Variants in CD200R1 observed in about 807,000 individuals in gnomAD.
The protein encoded by CD200R1 is CD200 receptor 1, also known as cell surface glycoprotein CD200 receptor 1.
In CD200R1, 30 loss-of-function variants were observed where a neutral mutation model predicts 38.1. The ratio of observed to expected loss-of-function variants is 0.79; its 90% CI spans 0.59 to 1.07. CD200R1 has a LOEUF of 1.07. Ranked by LOEUF, CD200R1 falls within the 50% of genes least tolerant of loss-of-function variation. The pLI, the probability that CD200R1 is intolerant of heterozygous loss-of-function variation, is 0.00. For synonymous variants in CD200R1, 128 were observed against 152.1 expected (o/e 0.84, Z 1.16); for missense variants, 372 against 415.4 (o/e 0.90, Z 0.91).
At chr3:112,954,225 G>T (rs920058812) in intron 1 of CD200R1, among the ~76,000 whole-genome samples, 3 of 152,018 alleles carry the variant, frequency 2.0e-5, no homozygotes, top group Middle Eastern at 3.4e-3. Context: ...CCATGTATTT[G>T]TGAAGTTCCT....
At chr3:112,974,471 G>C (rs944412331) in intron 1 of CD200R1, among the ~76,000 whole-genome samples, 5 of 151,952 alleles carry the variant, frequency 3.3e-5, no homozygotes, top group African/African-American at 1.2e-4. Flanking sequence ...AAGATAAAGA[G>C]AACCTAACTG....
chr3:112,962,461 G>A (rs1298246424), intron 1 of CD200R1, among the ~76,000 whole-genome samples: 3 of 152,100 alleles, frequency 2.0e-5, no homozygotes, highest in Admixed American at 6.5e-5. Flanking sequence ...CAAAAAGCTG[G>A]TCTGTAGGGG....
intron 5 of CD200R1, among the ~76,000 whole-genome samples, chr3:112,928,213 T>C (rs998572438): frequency 6.6e-6 from 1 of 152,116 alleles, no homozygotes; most frequent in African/African-American, 2.4e-5. Context: ...GAGATGGCAA[T>C]TGGGTTGGAA....
intron 3 of CD200R1, among the ~76,000 whole-genome samples, chr3:112,930,173 A>G (rs531611571): frequency 6.0e-4 from 91 of 152,122 alleles, no homozygotes; most frequent in Non-Finnish European, 1.1e-3. Flanking sequence ...ATGAAAAATG[A>G]TAATGCCCTG....
chr3:112,950,976 C>G (rs1392723652), intron 1 of CD200R1, among the ~76,000 whole-genome samples: 1 of 151,780 alleles, frequency 6.6e-6, no homozygotes. Flanking sequence ...GTAAAATTCA[C>G]CCATAGAAGC....
At chr3:112,926,455 C>A (rs766466528) in intron 5 of CD200R1, among the ~76,000 whole-genome samples, 3 of 152,156 alleles carry the variant, frequency 2.0e-5, no homozygotes, top group African/African-American at 7.2e-5. Flanking sequence ...ACTAAGCTCT[C>A]TCTCATTAAA....
rs1451894160 is a variant in CD200R1, at chr3:112,921,518, G to A, written c.*2159C>T. 1 of 151,834 alleles carries A rather than the reference G, an allele frequency of 6.6e-6. No individual in the cohort carries two copies. Among genetic ancestry groups the A allele is most frequent in the Admixed American group, 6.6e-5 (1 of 15,196 alleles). The allele number at this position is 151,834 out of a possible 1,614,324, so 9.4% of individuals were successfully genotyped here. ...AAAGGAAAAGATACAAAATGGGATGGGGAGAAAGCACAGTAAATGAGACAT... is the reference window on the plus strand; with the variant it reads ...AAAGGAAAAGATACAAAATGGGATGAGGAGAAAGCACAGTAAATGAGACAT... On this transcript the variant is annotated 3_prime_UTR_variant, in exon 8 of 8. Coordinates refer to ENST00000308611, the MANE Select transcript of CD200R1 (RefSeq NM_138806.4).
At chr3:112,924,004 T>C (rs16860239) in intron 7 of CD200R1, among the ~76,000 whole-genome samples, 4,482 of 152,002 alleles carry the variant, frequency 0.029, 203 homozygotes, top group East Asian at 0.22. Context: ...TAAGTCTCTG[T>C]GTGGAGATAA....
intron 2 of CD200R1, among the ~76,000 whole-genome samples, chr3:112,946,756 C>T (rs1175261312): frequency 2.6e-5 from 4 of 152,132 alleles, no homozygotes; most frequent in African/African-American, 9.7e-5. Context: ...CAATCTCCTA[C>T]CATGCAATCC....
intron 1 of CD200R1, among the ~76,000 whole-genome samples, chr3:112,949,817 CTA>C (rs1365272494): frequency 6.6e-6 from 1 of 152,194 alleles, no homozygotes; most frequent in African/African-American, 2.4e-5. Context: ...GACACAGACA[CTA>C]TGAATTCTAG....
Position 112,947,846 on chromosome 3 carries a change from T to C in CD200R1, c.136+10A>G, listed in dbSNP as rs1940896827. Reference sequence around the variant, plus strand: ...CCCTACTAGAATTATTGTTAAAAGATGCACATTACCTAAAGCATGATTCTC... The same window carrying C: ...CCCTACTAGAATTATTGTTAAAAGACGCACATTACCTAAAGCATGATTCTC... On this transcript the variant is annotated intron_variant, in intron 2 of 7. Coordinates refer to ENST00000308611, the MANE Select transcript of CD200R1 (RefSeq NM_138806.4). 2.5e-6 allele frequency: 4 copies of C among 1,591,648 alleles called. No homozygotes were observed. Among genetic ancestry groups the C allele is most frequent in the Non-Finnish European group, 3.4e-6 (4 of 1,159,598 alleles).
At chr3:112,974,266 T>A (rs1012637156) in intron 1 of CD200R1, among the ~76,000 whole-genome samples, 3 of 152,030 alleles carry the variant, frequency 2.0e-5, no homozygotes, top group Non-Finnish European at 4.4e-5. Flanking sequence ...CAAGACTCTA[T>A]CTCTACCAAA....
chr3:112,933,238 C>T (rs1225602026), intron 2 of CD200R1, among the ~76,000 whole-genome samples: 1 of 152,222 alleles, frequency 6.6e-6, no homozygotes, highest in Admixed American at 6.5e-5. Flanking sequence ...CCCTAGCAGA[C>T]ATGCCCTGAG....
intron 1 of CD200R1, among the ~76,000 whole-genome samples, chr3:112,959,983 C>G (rs903474295): frequency 1.3e-5 from 2 of 151,998 alleles, no homozygotes; most frequent in Non-Finnish European, 2.9e-5. Flanking sequence ...TAAGGAATTA[C>G]TCATGAAAGG....
chr3:112,951,091 A>G (rs538960015), intron 1 of CD200R1, among the ~76,000 whole-genome samples: 2 of 152,280 alleles, frequency 1.3e-5, no homozygotes, highest in East Asian at 3.9e-4. Flanking sequence ...CTAGTTCTTT[A>G]AAAAGATAAT....
At chr3:112,973,632 T>C (rs1428482388) in intron 1 of CD200R1, among the ~76,000 whole-genome samples, 1 of 152,248 alleles carries the variant, frequency 6.6e-6, no homozygotes, top group African/African-American at 2.4e-5. Context: ...AGAGTGTAGT[T>C]ATTTTGCATG....
At chr3:112,935,619 C>A (rs1207181812) in intron 2 of CD200R1, among the ~76,000 whole-genome samples, 2 of 152,034 alleles carry the variant, frequency 1.3e-5, no homozygotes, top group Non-Finnish European at 2.9e-5. Context: ...TAAATCCCTA[C>A]ATCAAAAAAG....
intron 2 of CD200R1, among the ~76,000 whole-genome samples, chr3:112,942,559 C>G (rs979474823): frequency 6.6e-6 from 1 of 151,310 alleles, no homozygotes; most frequent in Non-Finnish European, 1.5e-5. Flanking sequence ...AAAATAGGAA[C>G]AAAGAACAGA....
intron 1 of CD200R1, among the ~76,000 whole-genome samples, chr3:112,961,521 A>G (rs1933018707): frequency 6.6e-6 from 1 of 152,052 alleles, no homozygotes; most frequent in Admixed American, 6.6e-5. Flanking sequence ...GTTTCCTGGG[A>G]TGCAGGACAT....
Sources: allele counts gnomAD v4.1 joint callset (sites outside exome capture counted in the v4.1 genomes callset), GRCh38; gene constraint gnomAD v4.1.1; transcripts MANE v1.5; gene names NCBI Gene and HGNC (gene_info 2026-07-23, HGNC 2026-07-21).